Variants in ITPR1 observed in about 807,000 individuals in gnomAD.
ITPR1 encodes inositol 1,4,5-trisphosphate-gated calcium channel ITPR1.
ITPR1 carries 96 observed loss-of-function variants against 318.4 expected under a neutral mutation model. The ratio of observed to expected loss-of-function variants is 0.30; its 90% CI spans 0.26 to 0.36. ITPR1 has a LOEUF of 0.36. Among genes scored for constraint, ITPR1 ranks in the 10% least tolerant of loss-of-function variants. The pLI is 1.00. For missense variants in ITPR1, 2,440 were observed against 3,460.2 expected (o/e 0.71, Z 7.40); for synonymous variants, 1,312 against 1,289.9 (o/e 1.02, Z -0.37).
chr3:4,699,813 G>A lies in ITPR1; in HGVS notation c.4408G>A (p.Ala1470Thr). Reference protein sequence around the residue: ...FENFLVDICRACNNTSDRKHA... With the variant: ...FENFLVDICRTCNNTSDRKHA... The stretch of plus-strand genomic sequence containing the variant: ...CTTAACATACCCACTTGTCTTCCAG[G>A]CCTGTAACAACACTAGTGACAGGAA... The change falls in exon 35 of 62, where the codon GCC (alanine) becomes ACC (threonine). Residue 1470 changes from alanine (A) to threonine (T), a missense_variant and splice_region_variant. Physicochemically the swap from Ala to Thr is moderately conservative, Grantham distance 58 (BLOSUM62 0). Around this residue, in one of 23 missense-constraint regions of ITPR1, gnomAD observed 73 missense variants for 59.5 expected, o/e 1.23. Coordinates refer to ENST00000649015, the MANE Select transcript of ITPR1 (RefSeq NM_001378452.1). The A allele has an allele frequency of 6.2e-7, 1 of 1,613,692 alleles. No individual in the cohort carries two copies. Among genetic ancestry groups the A allele is most frequent in the Non-Finnish European group, 8.5e-7 (1 of 1,179,704 alleles).
chr3:4,836,739 T>C (rs1382463829), intron 60 of ITPR1, 35 bp from the exon 61 acceptor site: 2 of 725,968 alleles, frequency 2.8e-6, no homozygotes, highest in Non-Finnish European at 3.5e-6. Flanking sequence ...CTCAGTCTTT[T>C]TTTTTTTTTT....
At chr3:4,538,208 C>A (rs1278705319) in intron 4 of ITPR1, among the ~76,000 whole-genome samples, 4 of 151,792 alleles carry the variant, frequency 2.6e-5, no homozygotes, top group Admixed American at 1.3e-4. Flanking sequence ...AAGAAAAAAA[C>A]CAAACAACCC....
chr3:4,688,686 G>C, intron 31 of ITPR1, 66 bp downstream of exon 31: 8 of 1,525,448 alleles, frequency 5.2e-6, no homozygotes, highest in Non-Finnish European at 6.3e-6. Context: ...AGGAGGAACA[G>C]CTTGTTCTTT....
chr3:4,612,245 A>T (rs1013436086), intron 4 of ITPR1, among the ~76,000 whole-genome samples: 2 of 151,930 alleles, frequency 1.3e-5, no homozygotes, highest in Admixed American at 1.3e-4. Context: ...TACATTTAGT[A>T]GAGACAGCGT....
At chr3:4,808,694 T>C (rs1435565418) in intron 55 of ITPR1, among the ~76,000 whole-genome samples, 1 of 152,220 alleles carries the variant, frequency 6.6e-6, no homozygotes, top group Admixed American at 6.5e-5. Context: ...CTTCAAATTA[T>C]TCTACTAATA....
At chr3:4,794,724 G>A (rs570211857) in intron 52 of ITPR1, among the ~76,000 whole-genome samples, 24 of 152,240 alleles carry the variant, frequency 1.6e-4, no homozygotes, top group South Asian at 1.0e-3. Flanking sequence ...AGGGGGAACC[G>A]AGGACTCAAT....
chr3:4,699,709 T>A (rs1418151546), intron 34 of ITPR1, 104 bp from the exon 35 acceptor site: 2 of 1,116,854 alleles, frequency 1.8e-6, no homozygotes, highest in Admixed American at 4.0e-5. Context: ...CAGCAGGCCT[T>A]TACCTTTCAT....
intron 54 of ITPR1, among the ~76,000 whole-genome samples, chr3:4,804,305 G>C (rs1447875453): frequency 2.6e-5 from 4 of 152,222 alleles, no homozygotes; most frequent in African/African-American, 9.6e-5. Context: ...CTAAAGCCCA[G>C]CTGGGAGAGT....
At chr3:4,829,656 G>T (rs1419471496) in intron 60 of ITPR1, among the ~76,000 whole-genome samples, 1 of 152,040 alleles carries the variant, frequency 6.6e-6, no homozygotes, top group Non-Finnish European at 1.5e-5. Context: ...TTGTATTATT[G>T]TGGCCTGTTT....
At chr3:4,745,821 C>G (rs748975676) in intron 44 of ITPR1, among the ~76,000 whole-genome samples, 1 of 152,218 alleles carries the variant, frequency 6.6e-6, no homozygotes. Flanking sequence ...ATCTCCCTTC[C>G]TCCATTCTAT....
At chr3:4,584,139 C>T (rs1216207989) in intron 4 of ITPR1, among the ~76,000 whole-genome samples, 3 of 152,082 alleles carry the variant, frequency 2.0e-5, no homozygotes, top group African/African-American at 7.2e-5. Context: ...TAATGAAGCT[C>T]ACAGTTTATT....
intron 4 of ITPR1, among the ~76,000 whole-genome samples, chr3:4,528,120 C>G (rs1333289211): frequency 6.6e-6 from 1 of 152,076 alleles, no homozygotes; most frequent in African/African-American, 2.4e-5. Flanking sequence ...GCATCCAGCC[C>G]AGAATCTGCC....
chr3:4,745,729 G>A (rs753037320), intron 44 of ITPR1, among the ~76,000 whole-genome samples: 4 of 152,060 alleles, frequency 2.6e-5, no homozygotes, highest in Non-Finnish European at 5.9e-5. Context: ...CCTCTCTGCC[G>A]ATTTCTAGAT....
chr3:4,571,314 C>CT (rs1361088114), intron 4 of ITPR1, among the ~76,000 whole-genome samples: 1 of 151,986 alleles, frequency 6.6e-6, no homozygotes, highest in African/African-American at 2.4e-5. Context: ...ACTTCTTTTT[C>CT]TTTTTTTCTC....
chr3:4,846,038 T>C, intron 61 of ITPR1, 101 bp from the exon 62 acceptor site: 1 of 627,676 alleles, frequency 1.6e-6, no homozygotes, highest in South Asian at 2.6e-5. Flanking sequence ...AAAGTGGGTT[T>C]CAGTATAAAC....
At chr3:4,639,124 C>T (rs2093275557) in intron 5 of ITPR1, among the ~76,000 whole-genome samples, 1 of 152,102 alleles carries the variant, frequency 6.6e-6, no homozygotes, top group African/African-American at 2.4e-5. Context: ...CTTACTCTCA[C>T]CCTAAGCAAA....
At chr3:4,592,904 G>T (rs1192077054) in intron 4 of ITPR1, among the ~76,000 whole-genome samples, 1 of 152,128 alleles carries the variant, frequency 6.6e-6, no homozygotes, top group Non-Finnish European at 1.5e-5. Flanking sequence ...GTGGGAGACT[G>T]GTTCCCTTAG....
Position 4,555,019 on chromosome 3 carries a change from T to C in ITPR1, c.163+33925T>C, listed in dbSNP as rs370968256. 1.0e-3 allele frequency among the ~76,000 whole-genome samples: 159 copies of C among 152,294 alleles called. 3 individuals carry two copies. The South Asian group carries it at 0.032, about 31-fold the overall frequency. ...AGAGCATGATCTGGGGATGGAACTG[T>C]ACCCGCGGAATGTGTTTCCATCTGT... On this transcript the variant is annotated intron_variant, in intron 4 of 61. Transcript: ENST00000649015.
intron 59 of ITPR1, among the ~76,000 whole-genome samples, chr3:4,815,689 A>G (rs1463890731): frequency 6.6e-6 from 1 of 152,158 alleles, no homozygotes; most frequent in Non-Finnish European, 1.5e-5. Context: ...CTACAGGAAA[A>G]TATTTGTAAA....
Sources: allele counts gnomAD v4.1 joint callset (sites outside exome capture counted in the v4.1 genomes callset), GRCh38; gene constraint gnomAD v4.1.1; regional missense constraint gnomAD v4.1.1; transcripts MANE v1.5; gene names NCBI Gene and HGNC (gene_info 2026-07-23, HGNC 2026-07-21).